DCAF6: variants seen among roughly 807,000 people sequenced by gnomAD.
DCAF6 encodes the protein DDB1 and CUL4 associated factor 6.
DCAF6 carries 54 observed loss-of-function variants against 125.1 expected under a neutral mutation model. The ratio of observed to expected loss-of-function variants is 0.43; its 90% confidence interval spans 0.35 to 0.54. The LOEUF (loss-of-function observed/expected upper bound fraction) is 0.54. Among genes scored for constraint, DCAF6 ranks in the 20% least tolerant of loss-of-function variants. DCAF6 has a pLI of 0.01. For missense variants in DCAF6, 934 were observed against 1,161.7 expected, an observed-to-expected ratio of 0.80 and a Z score of 2.85; for synonymous variants, 371 against 390.4, an observed-to-expected ratio of 0.95 and a Z score of 0.58.
intron 10 of DCAF6, among the ~76,000 whole-genome samples, chr1:168,009,393 T>C (rs549905020): frequency 1.2e-3 from 170 of 142,796 alleles, no homozygotes; most frequent in South Asian, 8.7e-3. Flanking sequence ...CTTCCTTTCT[T>C]TCTTTCTTTC....
the DCAF6 span, chr1:167,883,719 G>A: frequency 8.3e-7 from 1 of 1,211,006 alleles, no homozygotes; most frequent in South Asian, 1.2e-5. Flanking sequence ...AATCATCTAG[G>A]GAATGTCTAC....
chr1:168,068,468 G>A lies in DCAF6; in HGVS notation c.2791+5G>A. The A allele has an allele frequency of 6.9e-7, 1 of 1,450,900 alleles. No individual in the cohort carries two copies. The allele number at this position is 1,450,900 out of a possible 1,614,324, so 89.9% of individuals were successfully genotyped here. On this transcript the variant is annotated splice_donor_5th_base_variant and intron_variant, in intron 21 of 21. Coordinates refer to ENST00000367840, the MANE Select transcript of DCAF6 (RefSeq NM_001198956.2). The stretch of plus-strand genomic sequence containing the variant: ...CACTTAATCATATCCGAGCTGGTAG[G>A]AACTTTAAGTATACTACTAAAACCA...
chr1:167,914,832 C>T, the DCAF6 span, among the ~76,000 whole-genome samples: 3 of 152,212 alleles, frequency 2.0e-5, no homozygotes, highest in Non-Finnish European at 4.4e-5. Flanking sequence ...TACATGTTCT[C>T]CTATAAAGCC....
chr1:167,888,604 C>T, the DCAF6 span, among the ~76,000 whole-genome samples: 8 of 152,032 alleles, frequency 5.3e-5, no homozygotes, highest in Non-Finnish European at 1.0e-4. Flanking sequence ...GGGCCGGGCG[C>T]GGTGGCTCAC....
At chr1:168,034,853 A>T (rs1161058837) in intron 12 of DCAF6, among the ~76,000 whole-genome samples, 1 of 152,238 alleles carries the variant, frequency 6.6e-6, no homozygotes, top group East Asian at 1.9e-4. Context: ...GTGTTTGCTG[A>T]TCCAACCTCT....
At chr1:167,976,758 G>A (rs1678250204) in intron 4 of DCAF6, among the ~76,000 whole-genome samples, 1 of 151,764 alleles carries the variant, frequency 6.6e-6, no homozygotes, top group Admixed American at 6.6e-5. Context: ...GATGTTATTG[G>A]TTTACTGTTA....
intron 21 of DCAF6, among the ~76,000 whole-genome samples, chr1:168,074,352 C>T (rs987478664): frequency 1.3e-5 from 2 of 151,998 alleles, no homozygotes; most frequent in African/African-American, 2.4e-5. Flanking sequence ...TTCCATGTTA[C>T]TATGTGGAAA....
intron 20 of DCAF6, among the ~76,000 whole-genome samples, chr1:168,067,247 A>C (rs1294513456): frequency 2.0e-5 from 3 of 152,236 alleles, no homozygotes; most frequent in Non-Finnish European, 4.4e-5. Flanking sequence ...ATAGGCATTT[A>C]TAAAACAGTT....
intron 1 of DCAF6, among the ~76,000 whole-genome samples, chr1:167,949,177 G>C (rs1673543311): frequency 2.6e-5 from 4 of 152,204 alleles, no homozygotes; most frequent in Admixed American, 1.3e-4. Flanking sequence ...ATAAGAGGCA[G>C]CTTGAAGTAC....
intron 7 of DCAF6, among the ~76,000 whole-genome samples, chr1:167,998,434 T>C (rs1433150918): frequency 1.3e-5 from 2 of 152,112 alleles, no homozygotes; most frequent in Non-Finnish European, 2.9e-5. Flanking sequence ...AAATAAGACA[T>C]CAGTGAAGTT....
At chr1:167,897,477 A>T in the DCAF6 span, among the ~76,000 whole-genome samples, 1 of 150,108 alleles carries the variant, frequency 6.7e-6, no homozygotes, top group Non-Finnish European at 1.5e-5. Flanking sequence ...CCACTGGGTG[A>T]CAGAGTAAGA....
intron 17 of DCAF6, among the ~76,000 whole-genome samples, chr1:168,058,710 A>G (rs1691214092): frequency 6.6e-6 from 1 of 152,184 alleles, no homozygotes; most frequent in South Asian, 2.1e-4. Flanking sequence ...CTGGGATTAC[A>G]GGTGCATGCC....
chr1:168,028,189 C>T (rs551009480), intron 12 of DCAF6, among the ~76,000 whole-genome samples: 1 of 152,180 alleles, frequency 6.6e-6, no homozygotes, highest in South Asian at 2.1e-4. Flanking sequence ...AAATTCTCTT[C>T]TGACATATAT....
rs749913884 is a variant in DCAF6 at position 167,993,416 on chromosome 1, T to C, written c.879T>C (p.Pro293=). 1 of 1,613,844 alleles carries C rather than the reference T, an allele frequency of 6.2e-7. No individual in the cohort carries two copies. Among genetic ancestry groups the C allele is most frequent in the South Asian group, 1.1e-5 (1 of 91,072 alleles). ...KDDTARELKT[P]SAEERREELR... ...ATACAGCACGAGAACTTAAAACTCCTTCTGCGGAAGAGAGAAGAGAAGAGG... is the reference window on the plus strand; with the variant it reads ...ATACAGCACGAGAACTTAAAACTCCCTCTGCGGAAGAGAGAAGAGAAGAGG... Residue 293 remains proline, a synonymous_variant, in exon 7 of 22, where the codon CCT becomes CCC. Transcript: ENST00000367840.
At chr1:168,035,411 C>A (rs1218757333) in intron 12 of DCAF6, among the ~76,000 whole-genome samples, 4 of 152,190 alleles carry the variant, frequency 2.6e-5, no homozygotes, top group African/African-American at 9.7e-5. Flanking sequence ...TTCGCCACTG[C>A]ACTCCAACCT....
intron 3 of DCAF6, among the ~76,000 whole-genome samples, chr1:167,968,216 C>T (rs544249270): frequency 6.6e-6 from 1 of 152,230 alleles, no homozygotes; most frequent in East Asian, 1.9e-4. Context: ...GAATTACTAC[C>T]TATATCAGGA....
At chr1:167,926,225 T>C in the DCAF6 span, among the ~76,000 whole-genome samples, 8 of 152,232 alleles carry the variant, frequency 5.3e-5, no homozygotes, top group Non-Finnish European at 8.8e-5. Context: ...AAAACAGTGC[T>C]GAAACAGCTG....
In DCAF6 at chr1:167,966,690, A is replaced by C. The variant is rs201085062; in HGVS notation, c.221A>C (p.Lys74Thr). The C allele has an allele frequency of 1.3e-6, 2 of 1,594,116 alleles. No homozygotes were observed. Among genetic ancestry groups the C allele is most frequent in the Admixed American group, 3.4e-5 (2 of 59,650 alleles). Residue 74 changes from lysine (K) to threonine (T), a missense_variant, in exon 3 of 22, where the codon AAA (lysine) becomes ACA (threonine). Coordinates refer to ENST00000367840, the MANE Select transcript of DCAF6 (RefSeq NM_001198956.2). ...ATTTTATCTGGCTCAGATGACACCA[A>C]ATTAGTAATTAGTAATCCTTACAGC... ...EYILSGSDDTKLVISNPYSRK... is the reference protein window; with the variant it reads ...EYILSGSDDTTLVISNPYSRK...
the DCAF6 span, chr1:167,916,847 AAC>A: frequency 6.6e-6 from 1 of 152,246 alleles, no homozygotes; most frequent in Non-Finnish European, 1.5e-5. Context: ...AAATGAATTT[AAC>A]AGTGTGGTTT....
Sources: gnomAD v4.1 joint callset for allele counts (sites outside exome capture counted in the v4.1 genomes callset) on GRCh38, gnomAD v4.1.1 for gene constraint, MANE v1.5 for transcripts, NCBI Gene and HGNC (gene_info 2026-07-23, HGNC 2026-07-21) for gene names.